The following DST variants were observed in gnomAD, a reference collection of about 807,000 sequenced individuals.
DST encodes the protein bullous pemphigoid antigen.
A neutral mutation model predicts 875.2 loss-of-function variants in DST; 253 were observed. The ratio of observed to expected loss-of-function variants is 0.29; its 90% CI spans 0.26 to 0.32. The LOEUF (loss-of-function observed/expected upper bound fraction) is 0.32. Ranked by LOEUF, DST falls within the 10% of genes least tolerant of loss-of-function variation. DST has a pLI of 1.00. For missense variants in DST, 8,287 were observed against 9,111.6 expected, an observed-to-expected ratio of 0.91 and a Z score of 3.68; for synonymous variants, 3,124 against 3,197.1, an observed-to-expected ratio of 0.98 and a Z score of 0.77.
intron 69 of DST, among the ~76,000 whole-genome samples, chr6:56,524,948 A>T (rs987175734): frequency 1.3e-5 from 2 of 152,178 alleles, no homozygotes; most frequent in African/African-American, 2.4e-5. Flanking sequence ...ATTTTCCTAA[A>T]GGATTCCGGA....
At position 56,642,490 on chromosome 6, in the gene DST, G is replaced by C; in HGVS notation, c.1792C>G (p.Gln598Glu). 6.2e-7 allele frequency: 1 copy of C among 1,612,940 alleles called. No individual in the cohort carries two copies. Among genetic ancestry groups the C allele is most frequent in the Non-Finnish European group, 8.5e-7 (1 of 1,178,968 alleles). The change falls in exon 16 of 104, where the codon CAA becomes GAA. Residue 598 changes from glutamine (Q) to glutamate (E), a missense_variant. Transcript: ENST00000680361. ...CTCTGAACTCTGTTGGCAATCTGTTGCAACATTTCTAACCTAAAAGATGAG... is the reference window on the plus strand; with the variant it reads ...CTCTGAACTCTGTTGGCAATCTGTTCCAACATTTCTAACCTAAAAGATGAG... ...RPEVERLEMLQQIANRVQRDS... is the reference protein window; with the variant it reads ...RPEVERLEMLEQIANRVQRDS...
At chr6:56,685,236 C>T (rs1022162997) in intron 9 of DST, among the ~76,000 whole-genome samples, 2 of 152,184 alleles carry the variant, frequency 1.3e-5, no homozygotes, top group Admixed American at 6.5e-5. Context: ...TATTTGCAGA[C>T]TATGCATCTG....
chr6:56,486,496 G>A (rs939727052), intron 87 of DST, among the ~76,000 whole-genome samples: 7 of 151,892 alleles, frequency 4.6e-5, no homozygotes, highest in South Asian at 2.1e-4. Flanking sequence ...AAGGATCAGC[G>A]GGAAAATTTG....
Position 56,614,391 on chromosome 6 carries a change from C to T in DST, c.5023G>A (p.Glu1675Lys). ...GAGAAGGGAGGTTTTCCAGCCTTCT[C>T]TGCATCTTTCAATGTCTTGCTGATA... ...SNISKTLKDA[E>K]KAGKPPFSKQ... The change falls in exon 37 of 104, where the codon GAG (glutamate) becomes AAG (lysine). Residue 1675 changes from glutamate to lysine, a missense_variant. By Grantham distance (56) the Glu-to-Lys change is moderately conservative. This residue lies in a region of DST where 3,138 missense variants were observed against 3,116.6 expected (regional missense o/e 1.01). Coordinates refer to ENST00000680361, the MANE Select transcript of DST (RefSeq NM_001374736.1). The T allele has an allele frequency of 1.2e-6, 2 of 1,609,442 alleles. No homozygotes were observed. Among genetic ancestry groups the T allele is most frequent in the South Asian group, 2.2e-5 (2 of 90,094 alleles).
chr6:56,522,559 G>A (rs957222322), intron 69 of DST, among the ~76,000 whole-genome samples: 2 of 152,010 alleles, frequency 1.3e-5, no homozygotes, highest in African/African-American at 4.8e-5. Flanking sequence ...ACACCTGGAG[G>A]GTCTGAACAA....
chr6:56,753,569 T>C (rs1250175152), intron 4 of DST, among the ~76,000 whole-genome samples: 1 of 152,198 alleles, frequency 6.6e-6, no homozygotes, highest in Non-Finnish European at 1.5e-5. Context: ...ATGCTTAACA[T>C]AAAACTGTAG....
At chr6:56,563,459 A>C (rs1208611516) in intron 55 of DST, among the ~76,000 whole-genome samples, 13 of 152,080 alleles carry the variant, frequency 8.5e-5, no homozygotes, top group Non-Finnish European at 1.9e-4. Flanking sequence ...AATTTGTATA[A>C]GTTCCTTGTA....
rs1051546620 is a variant in DST, at chr6:56,635,811, A to G, written c.3061-97T>C. On this transcript the variant is annotated intron_variant, in intron 23 of 103. Coordinates refer to ENST00000680361, the MANE Select transcript of DST (RefSeq NM_001374736.1). ...TACCAAGGTCCTATGTGTACCCCTCATAAGTGAGAAGAGAATAAAAGCACA... is the reference window on the plus strand; with the variant it reads ...TACCAAGGTCCTATGTGTACCCCTCGTAAGTGAGAAGAGAATAAAAGCACA... 149 of 1,283,096 alleles carry G rather than the reference A, an allele frequency of 1.2e-4. 2 individuals carry two copies. In the East Asian group the frequency reaches 2.5e-3, roughly 22 times the overall value. The allele number at this position is 1,283,096 out of a possible 1,614,324, so 79.5% of individuals were successfully genotyped here.
At chr6:56,590,131 C>T (rs1001298064) in intron 49 of DST, among the ~76,000 whole-genome samples, 19 of 152,234 alleles carry the variant, frequency 1.2e-4, no homozygotes, top group South Asian at 4.2e-4. Flanking sequence ...TTTCAAATTA[C>T]GCTATGACTT....
At chr6:56,774,191 T>C (rs2099673298) in intron 4 of DST, among the ~76,000 whole-genome samples, 1 of 151,410 alleles carries the variant, frequency 6.6e-6, no homozygotes, top group African/African-American at 2.4e-5. Flanking sequence ...TCCATGACTA[T>C]CCATGGTTCT....
intron 9 of DST, among the ~76,000 whole-genome samples, chr6:56,671,782 G>T (rs1187434998): frequency 6.6e-6 from 1 of 152,236 alleles, no homozygotes; most frequent in Non-Finnish European, 1.5e-5. Context: ...GAATCAGAAT[G>T]AGCAAGTCAG....
intron 4 of DST, among the ~76,000 whole-genome samples, chr6:56,744,375 T>C (rs1490732996): frequency 5.9e-5 from 8 of 134,770 alleles, no homozygotes; most frequent in Admixed American, 4.9e-4. Context: ...AAAGGCTGTA[T>C]CTCAAAAAAA....
intron 34 of DST, among the ~76,000 whole-genome samples, chr6:56,626,153 A>C (rs1238136989): frequency 6.6e-6 from 1 of 152,090 alleles, no homozygotes; most frequent in Non-Finnish European, 1.5e-5. Flanking sequence ...AGTTACAGTA[A>C]GTTAATGTCA....
chr6:56,916,621 C>T (rs145646410), intron 2 of DST, among the ~76,000 whole-genome samples: 179 of 151,890 alleles, frequency 1.2e-3, no homozygotes, highest in East Asian at 7.8e-3. Context: ...GGTATGGTGG[C>T]GCACACCTGT....
chr6:56,529,464 T>G lies in DST; in HGVS notation c.17579A>C (p.Gln5860Pro). Residue 5860 changes from glutamine (Q) to proline (P), a missense_variant, in exon 66 of 104, where the codon CAG becomes CCG. Physicochemically the swap from Gln to Pro is moderately conservative, Grantham distance 76. This residue lies in a region of DST where 777 missense variants were observed against 764.8 expected (regional missense o/e 1.02). Transcript: ENST00000680361. Reference sequence around the variant, plus strand: ...TCAAAATACCCGAAGTTCAGACTGCTGCTTCCATAGCCCCTCAGTGCTGTA... The same window carrying G: ...TCAAAATACCCGAAGTTCAGACTGCGGCTTCCATAGCCCCTCAGTGCTGTA... ...QDYSTEGLWK[Q>P]QSELRVLQED... The G allele has an allele frequency of 1.3e-6, 2 of 1,501,050 alleles. No homozygotes were observed. The highest frequency in any genetic ancestry group is 8.9e-7 in the Non-Finnish European group (1 of 1,124,898). The allele number at this position is 1,501,050 out of a possible 1,614,324, so 93.0% of individuals were successfully genotyped here.
chr6:56,628,302 C>T, intron 32 of DST, 141 bp from the exon 33 acceptor site: 1 of 720,870 alleles, frequency 1.4e-6, no homozygotes, highest in South Asian at 1.7e-5. Flanking sequence ...CTCAAGGCTG[C>T]AGCACCCTGA....
At chr6:56,687,430 A>T (rs74397785) in intron 9 of DST, among the ~76,000 whole-genome samples, 3,193 of 152,178 alleles carry the variant, frequency 0.021, 99 homozygotes, top group African/African-American at 0.068. Context: ...TCCTGTTCCC[A>T]CTATTTTCTA....
rs546946147 is a variant in DST at position 56,499,657 on chromosome 6, C to T, written c.19896+1423G>A. On this transcript the variant is annotated intron_variant, in intron 80 of 103. Coordinates refer to ENST00000680361, the MANE Select transcript of DST (RefSeq NM_001374736.1). ...AGAAAAGAGAGAAGAGAAAAGGGGC[C>T]ATTTCAAAGTACTTAAAATTAGACA... Among the ~76,000 whole-genome samples the T allele has an allele frequency of 2.6e-5, 4 of 152,142 alleles. No homozygotes were observed. In the South Asian group the frequency reaches 6.2e-4, roughly 24 times the overall value.
intron 49 of DST, among the ~76,000 whole-genome samples, chr6:56,582,005 A>T (rs375760183): frequency 2.6e-5 from 4 of 152,154 alleles, no homozygotes; most frequent in Non-Finnish European, 5.9e-5. Context: ...GTGCAAATCA[A>T]TCAACAATTT....
Sources: gnomAD v4.1 joint callset for allele counts (sites outside exome capture counted in the v4.1 genomes callset) on GRCh38, gnomAD v4.1.1 for gene constraint, gnomAD v4.1.1 regional missense constraint, MANE v1.5 for transcripts, NCBI Gene and HGNC (gene_info 2026-07-23, HGNC 2026-07-21) for gene names.